SLC6A18: variants seen among roughly 807,000 people sequenced by gnomAD.
The protein encoded by SLC6A18 is solute carrier family 6 member 18.
In SLC6A18, 58 loss-of-function variants were observed where a neutral mutation model predicts 62.9. The observed-to-expected ratio is 0.92, with a 90% confidence interval of 0.75 to 1.15. The LOEUF is 1.15. Among genes scored for constraint, SLC6A18 ranks in the 50% most tolerant of loss-of-function variants. The pLI, the probability that SLC6A18 is intolerant of heterozygous loss-of-function variation, is 0.00. For synonymous variants in SLC6A18, 382 were observed against 365.8 expected (o/e 1.04, Z -0.51); for missense variants, 793 against 836.6 (o/e 0.95, Z 0.64).
At chr5:1,233,903 G>A (rs534160950) in intron 3 of SLC6A18, among the ~76,000 whole-genome samples, 232 of 152,142 alleles carry the variant, frequency 1.5e-3, no homozygotes, top group Non-Finnish European at 2.2e-3. Flanking sequence ...CACCAGGCCT[G>A]GCTAATTTTT....
chr5:1,236,575 T>C (rs6554679), intron 4 of SLC6A18, among the ~76,000 whole-genome samples: 119,850 of 152,154 alleles, frequency 0.79, 48,592 homozygotes, highest in African/African-American at 0.94. Flanking sequence ...CAAGAAGAGT[T>C]CTTACCCTGT....
chr5:1,234,072 C>T (rs573417550), intron 3 of SLC6A18, among the ~76,000 whole-genome samples: 100 of 152,164 alleles, frequency 6.6e-4, no homozygotes, highest in Middle Eastern at 6.8e-3. Context: ...TTTGTAGAGA[C>T]GGGGTCTCAA....
chr5:1,226,964 GCCCACCGACGC>G (rs1561173270), intron 1 of SLC6A18, among the ~76,000 whole-genome samples: 37 of 69,198 alleles, frequency 5.3e-4, no homozygotes, highest in African/African-American at 1.6e-3. Context: ...CCAACGCCTT[GCCCACCGACGC>G]CTTGCCCACC....
chr5:1,227,321 G>A (rs1209984377), intron 1 of SLC6A18, among the ~76,000 whole-genome samples: 3 of 152,142 alleles, frequency 2.0e-5, no homozygotes, highest in Non-Finnish European at 4.4e-5. Context: ...TGAGGAGGGA[G>A]AACAGCCCTG....
intron 9 of SLC6A18, 38 bp from the exon 10 acceptor site, chr5:1,244,176 A>AT: frequency 3.4e-6 from 1 of 297,854 alleles, no homozygotes; most frequent in Admixed American, 5.1e-5. Flanking sequence ...TCCACTCCCC[A>AT]TCCCCTTACC....
rs1746931965 is a variant in SLC6A18 at position 1,238,076 on chromosome 5, A to G, written c.732+16A>G. On this transcript the variant is annotated intron_variant, in intron 5 of 11. Coordinates refer to ENST00000324642, the MANE Select transcript of SLC6A18 (RefSeq NM_182632.3). ...CACTCCCAACGTAAGTGGGTCTTGG[A>G]TCAAAGTTCAGGGCCTCCAGCACAC... The G allele has an allele frequency of 6.3e-7, 1 of 1,594,830 alleles. No homozygotes were observed.
At position 1,243,753 on chromosome 5, in the gene SLC6A18, C is replaced by A; in HGVS notation, c.1330C>A (p.Leu444Met). ...VLPRWVPKEA[L>M]TGLVCLVCFL... ...GCCTAGATGGGTCCCCAAGGAGGCC[C>A]TGACTGGTGAGCGCACAGCTCCGCC... The change falls in exon 9 of 12, where the codon CTG becomes ATG. Residue 444 changes from leucine (L) to methionine (M), a missense_variant. By Grantham distance (15) the Leu-to-Met change is conservative. Transcript: ENST00000324642. The surrounding 1 kb of genome is among the most constrained non-coding windows in gnomAD (Gnocchi z 6.5). 1 of 1,605,104 alleles carries A rather than the reference C, an allele frequency of 6.2e-7. No individual in the cohort carries two copies.
chr5:1,240,497 G>A, intron 6 of SLC6A18, 34 bp from the exon 7 acceptor site: 3 of 1,612,524 alleles, frequency 1.9e-6, no homozygotes, highest in Non-Finnish European at 2.5e-6. Context: ...GTTACCTCCT[G>A]CAAAGCCTGT....
rs1394914606 is a variant in SLC6A18, at chr5:1,242,000, G to C, written c.975-707G>C. On this transcript the variant is annotated intron_variant, in intron 7 of 11. Coordinates refer to ENST00000324642, the MANE Select transcript of SLC6A18 (RefSeq NM_182632.3). The surrounding 1 kb of genome is among the most constrained non-coding windows in gnomAD (Gnocchi z 7.8). Reference sequence around the variant, plus strand: ...CAAAAAGGTGTTTGCTGGTATCCATGTGTCCCGCCCTTGGCTGTCTGTGCT... The same window carrying C: ...CAAAAAGGTGTTTGCTGGTATCCATCTGTCCCGCCCTTGGCTGTCTGTGCT... 2.7e-5 allele frequency among the ~76,000 whole-genome samples: 4 copies of C among 150,282 alleles called. No homozygotes were observed. Among genetic ancestry groups the C allele is most frequent in the African/African-American group, 9.8e-5 (4 of 40,730 alleles).
At chr5:1,226,611 GA>G (rs1746573844) in intron 1 of SLC6A18, among the ~76,000 whole-genome samples, 1 of 152,100 alleles carries the variant, frequency 6.6e-6, no homozygotes, top group African/African-American at 2.4e-5. Context: ...CGCACAAATG[GA>G]AAAAACAAAA....
At chr5:1,234,612 C>T (rs1034776321) in intron 3 of SLC6A18, among the ~76,000 whole-genome samples, 1 of 152,272 alleles carries the variant, frequency 6.6e-6, no homozygotes, top group African/African-American at 2.4e-5. Flanking sequence ...GGCAGGGCCC[C>T]ATAACTGCCC....
chr5:1,245,673 C>A (rs553912888), intron 11 of SLC6A18, among the ~76,000 whole-genome samples, 175 bp from the exon 12 acceptor site: 19 of 152,236 alleles, frequency 1.2e-4, no homozygotes, highest in South Asian at 2.1e-4. Context: ...ACTCCTGGCC[C>A]GGAGGGGCGG....
intron 4 of SLC6A18, among the ~76,000 whole-genome samples, chr5:1,237,080 A>T (rs991009226): frequency 1.1e-4 from 17 of 149,888 alleles, no homozygotes; most frequent in Non-Finnish European, 1.5e-4. Context: ...CTAAAAATAA[A>T]AAAAAAAAAA....
chr5:1,242,695 C>G lies in SLC6A18; in HGVS notation c.975-12C>G. On this transcript the variant is annotated splice_polypyrimidine_tract_variant and intron_variant, in intron 7 of 11. Coordinates refer to ENST00000324642, the MANE Select transcript of SLC6A18 (RefSeq NM_182632.3). ...CAGGGCCATGAGCCCACAGTCCTCTCTGTCCCCGCAGAAACATCCTCAGCC... is the reference window on the plus strand; with the variant it reads ...CAGGGCCATGAGCCCACAGTCCTCTGTGTCCCCGCAGAAACATCCTCAGCC... 2.5e-6 allele frequency: 4 copies of G among 1,594,522 alleles called. No individual in the cohort carries two copies. Among genetic ancestry groups the G allele is most frequent in the Non-Finnish European group, 3.4e-6 (4 of 1,167,334 alleles).
chr5:1,238,810 G>C (rs1746969636), intron 5 of SLC6A18, among the ~76,000 whole-genome samples: 1 of 152,182 alleles, frequency 6.6e-6, no homozygotes, highest in Non-Finnish European at 1.5e-5. Flanking sequence ...CCTGCTCTGG[G>C]CCCGACTCCA....
At chr5:1,233,961 T>A (rs1746815131) in intron 3 of SLC6A18, among the ~76,000 whole-genome samples, 1 of 152,158 alleles carries the variant, frequency 6.6e-6, no homozygotes, top group Non-Finnish European at 1.5e-5. Context: ...CAGGATGGTC[T>A]CGATCTCCTG....
Position 1,243,433 on chromosome 5 carries a change from C to T in SLC6A18, c.1132-122C>T. On this transcript the variant is annotated intron_variant, in intron 8 of 11. Coordinates refer to ENST00000324642, the MANE Select transcript of SLC6A18 (RefSeq NM_182632.3). This position sits in a 1 kb window ranked among gnomAD's most constrained non-coding sequence, Gnocchi z 6.5. ...GCCCTGAGCCACCTCAGCCCGACAC[C>T]AGGAGGGGTGATGTGCACTCGTGTC... The T allele has an allele frequency of 8.7e-7, 1 of 1,153,068 alleles. No individual in the cohort carries two copies. The highest frequency in any genetic ancestry group is 1.2e-6 in the Non-Finnish European group (1 of 803,940). 71.4% of individuals were successfully genotyped at this position (1,153,068 alleles called of 1,614,324 possible). A position where few individuals can be genotyped will look rare whatever the true frequency, so the allele number is the denominator to read the frequency against.
intron 10 of SLC6A18, 100 bp downstream of exon 10, chr5:1,244,473 G>A (rs1307459519): frequency 1.2e-5 from 18 of 1,561,988 alleles, no homozygotes; most frequent in East Asian, 6.7e-5. Flanking sequence ...CCAGACCGCC[G>A]AGAATGTTCT....
intron 3 of SLC6A18, 93 bp from the exon 4 acceptor site, chr5:1,235,388 G>A: frequency 3.0e-6 from 4 of 1,316,682 alleles, no homozygotes; most frequent in Non-Finnish European, 4.2e-6. Flanking sequence ...AAAGGGCAGT[G>A]TTGTGAGCAG....
Sources: gnomAD v4.1 joint callset for allele counts (sites outside exome capture counted in the v4.1 genomes callset) on GRCh38, gnomAD v4.1.1 for gene constraint, Gnocchi (gnomAD v3.1) non-coding constraint, MANE v1.5 for transcripts, NCBI Gene and HGNC (gene_info 2026-07-23, HGNC 2026-07-21) for gene names.